Variants in COQ8A observed in about 807,000 individuals in gnomAD.
COQ8A encodes the protein coenzyme Q8A.
A neutral mutation model predicts 65.0 loss-of-function variants in COQ8A; 51 were observed. That is an observed-to-expected ratio of 0.78 (90% CI 0.63 to 0.99). COQ8A has a LOEUF of 0.99. Ranked by LOEUF, COQ8A falls within the 50% of genes least tolerant of loss-of-function variation. The pLI is 0.00. For missense variants in COQ8A, 940 were observed against 875.0 expected (o/e 1.07, Z -0.94); for synonymous variants, 371 against 353.2 (o/e 1.05, Z -0.57).
At position 226,983,828 on chromosome 1, in the gene COQ8A, A is replaced by C. The variant is rs1487579133; in HGVS notation, c.1230A>C (p.Arg410=). ...TGGCCCTGGAGTGTGACTACCAGCG[A>C]GAGGCCGCCTGTGCCCGCAAGTTCA... is the stretch of plus-strand genomic sequence containing the variant. The part of the protein sequence containing the change: ...RELALECDYQ[R]EAACARKFRD... Residue 410 remains arginine, a synonymous_variant, in exon 10 of 15, where the codon CGA becomes CGC. Coordinates refer to ENST00000366777, the MANE Select transcript of COQ8A (RefSeq NM_020247.5). 1 of 1,611,598 alleles carries C rather than the reference A, an allele frequency of 6.2e-7. No individual in the cohort carries two copies. The highest frequency in any genetic ancestry group is 1.1e-5 in the South Asian group (1 of 91,006).
At chr1:226,981,830 G>A (rs949554577) in intron 5 of COQ8A, among the ~76,000 whole-genome samples, 197 bp from the exon 6 acceptor site, 3 of 152,226 alleles carry the variant, frequency 2.0e-5, no homozygotes, top group Admixed American at 6.5e-5. Context: ...ATTGGGAGGC[G>A]CTGGCGTAGG....
chr1:226,986,920 A>C lies in COQ8A; in HGVS notation c.*183A>C. The stretch of plus-strand genomic sequence containing the variant: ...GTTGCTAAATGGTTGTAGGGTGAGA[A>C]GTGCAAGAATGAAGATGAAGCCCCA... On this transcript the variant is annotated 3_prime_UTR_variant, in exon 15 of 15. Coordinates refer to ENST00000366777, the MANE Select transcript of COQ8A (RefSeq NM_020247.5). 1.4e-6 allele frequency: 1 copy of C among 715,196 alleles called. No individual in the cohort carries two copies. The highest frequency in any genetic ancestry group is 2.3e-6 in the Non-Finnish European group (1 of 435,668). 44.3% of individuals were successfully genotyped at this position (715,196 alleles called of 1,614,324 possible).
At chr1:226,984,367 C>G (rs1659937796) in intron 11 of COQ8A, 132 bp downstream of exon 11, 1 of 1,420,062 alleles carries the variant, frequency 7.0e-7, no homozygotes, top group Non-Finnish European at 9.7e-7. Flanking sequence ...GAAGTAGCAC[C>G]AGTGGGACTT....
intron 4 of COQ8A, among the ~76,000 whole-genome samples, chr1:226,974,053 ATGT>A (rs746867936): frequency 1.1e-3 from 162 of 152,112 alleles, no homozygotes; most frequent in Middle Eastern, 3.4e-3. Context: ...AAGTTGTTTG[ATGT>A]TTTGCTTTTT....
Position 226,944,471 on chromosome 1 carries a change from G to C in COQ8A, c.-10+4072G>C, listed in dbSNP as rs1341735184. On this transcript the variant is annotated intron_variant, in intron 1 of 14. Transcript: ENST00000366777. ...AGGGGCAAGGTCTTGTTGCGGGAAGGAGGAGGGATGGTCAGTGTGGGAGGA... is the reference window on the plus strand; with the variant it reads ...AGGGGCAAGGTCTTGTTGCGGGAAGCAGGAGGGATGGTCAGTGTGGGAGGA... Among the ~76,000 whole-genome samples, 4 of 151,976 alleles carry C rather than the reference G, an allele frequency of 2.6e-5. No individual in the cohort carries two copies. The East Asian group carries it at 7.7e-4, about 29-fold the overall frequency.
chr1:226,971,796 T>C (rs569999882), intron 4 of COQ8A, among the ~76,000 whole-genome samples: 1 of 152,342 alleles, frequency 6.6e-6, no homozygotes, highest in Non-Finnish European at 1.5e-5. Context: ...TTGTTTTTGT[T>C]CTCTAGCAGT....
intron 4 of COQ8A, among the ~76,000 whole-genome samples, chr1:226,973,966 C>T (rs1437391519): frequency 6.6e-6 from 1 of 152,242 alleles, no homozygotes; most frequent in African/African-American, 2.4e-5. Context: ...AAGCCAAAGC[C>T]CCAAGGAACT....
At chr1:226,951,859 T>G (rs1657409630) in intron 1 of COQ8A, among the ~76,000 whole-genome samples, 1 of 152,154 alleles carries the variant, frequency 6.6e-6, no homozygotes. Context: ...GTGAGCAGGC[T>G]GTGTTCCAAT....
chr1:226,968,505 A>T (rs529276097), intron 4 of COQ8A, among the ~76,000 whole-genome samples: 2 of 152,358 alleles, frequency 1.3e-5, no homozygotes, highest in Admixed American at 1.3e-4. Context: ...GTGGGTCATC[A>T]TCCAAACAGT....
intron 1 of COQ8A, among the ~76,000 whole-genome samples, chr1:226,954,905 G>C (rs1195570165): frequency 6.6e-6 from 1 of 152,114 alleles, no homozygotes; most frequent in East Asian, 1.9e-4. Context: ...ATGGGCACAG[G>C]GTGCTGGGAG....
chr1:226,968,076 A>C (rs1658668937), intron 4 of COQ8A, among the ~76,000 whole-genome samples: 1 of 152,234 alleles, frequency 6.6e-6, no homozygotes, highest in South Asian at 2.1e-4. Flanking sequence ...AGTTAACTGT[A>C]ATCTCAGCAC....
At chr1:226,957,917 T>G (rs1657910896) in intron 1 of COQ8A, among the ~76,000 whole-genome samples, 1 of 151,698 alleles carries the variant, frequency 6.6e-6, no homozygotes, top group South Asian at 2.1e-4. Flanking sequence ...GGTCAGAGAG[T>G]GAAAGTTTGG....
chr1:226,986,324 CCATGATGTAATCCAGTTTACAG>C (rs1439232882), intron 14 of COQ8A, 107 bp from the exon 15 acceptor site: 1 of 1,079,110 alleles, frequency 9.3e-7, no homozygotes, highest in East Asian at 2.4e-5. Flanking sequence ...ATGCCCATTA[CCATGATGTAATCCAGTTTACAG>C]CAGAGCTTTG....
At chr1:226,965,535 T>C (rs1194737503) in intron 3 of COQ8A, 125 bp downstream of exon 3, 14 of 1,507,346 alleles carry the variant, frequency 9.3e-6, no homozygotes, top group Non-Finnish European at 1.3e-5. Context: ...GTGGTGGCCT[T>C]CTCTTGGTGG....
chr1:226,965,617 G>T (rs1375463837), intron 3 of COQ8A, 54 bp from the exon 4 acceptor site: 2 of 1,598,358 alleles, frequency 1.3e-6, no homozygotes, highest in African/African-American at 1.3e-5. Flanking sequence ...GCCTCTGAAG[G>T]TTGGTCCTGT....
intron 4 of COQ8A, among the ~76,000 whole-genome samples, chr1:226,969,491 C>T (rs1176626752): frequency 6.6e-6 from 1 of 152,188 alleles, no homozygotes; most frequent in Non-Finnish European, 1.5e-5. Flanking sequence ...CCGCCTCGGC[C>T]TCCTAAAGTG....
chr1:226,967,271 C>G (rs182496963), intron 4 of COQ8A, among the ~76,000 whole-genome samples: 27 of 152,284 alleles, frequency 1.8e-4, no homozygotes, highest in Admixed American at 1.7e-3. Context: ...TGAATGGAGG[C>G]TGTCTTCTTT....
At chr1:226,974,151 AC>A (rs1659055176) in intron 4 of COQ8A, among the ~76,000 whole-genome samples, 1 of 152,076 alleles carries the variant, frequency 6.6e-6, no homozygotes, top group Non-Finnish European at 1.5e-5. Context: ...TCCTAGAGGG[AC>A]TTTTGGGAGG....
intron 2 of COQ8A, among the ~76,000 whole-genome samples, chr1:226,962,026 A>T (rs983660776): frequency 2.6e-5 from 4 of 152,286 alleles, no homozygotes; most frequent in African/African-American, 9.6e-5. Context: ...TCCCAATACT[A>T]TCACACTAGG....
Sources: allele counts gnomAD v4.1 joint callset (sites outside exome capture counted in the v4.1 genomes callset), GRCh38; gene constraint gnomAD v4.1.1; transcripts MANE v1.5; gene names NCBI Gene and HGNC (gene_info 2026-07-23, HGNC 2026-07-21).